NIPA1: variants seen among roughly 807,000 people sequenced by gnomAD.
NIPA1 encodes magnesium transporter NIPA1.
A neutral mutation model predicts 23.9 loss-of-function variants in NIPA1; 13 were observed. The ratio of observed to expected loss-of-function variants is 0.54; its 90% CI spans 0.35 to 0.87. NIPA1 has a LOEUF of 0.87. Among genes scored for constraint, NIPA1 ranks in the 40% least tolerant of loss-of-function variants. The pLI is 0.01. For missense variants in NIPA1, 362 were observed against 429.7 expected (o/e 0.84, Z 1.39); for synonymous variants, 234 against 202.9 (o/e 1.15, Z -1.30).
At position 22,804,120 on chromosome 15, in the gene NIPA1, G is replaced by T. The variant is rs556988565; in HGVS notation, c.179-6629G>T. ...GCGTCCTGAGTAGCTGGGATTACAG[G>T]CATGAACCACCACATCCAGCTAATT... On this transcript the variant is annotated intron_variant, in intron 1 of 4. Coordinates refer to ENST00000337435, the MANE Select transcript of NIPA1 (RefSeq NM_144599.5). Among the ~76,000 whole-genome samples, 9 of 152,066 alleles carry T rather than the reference G, an allele frequency of 5.9e-5. 1 individual carries two copies. The South Asian group carries it at 1.9e-3, about 32-fold the overall frequency.
chr15:22,814,331 C>G (rs1305495166), intron 3 of NIPA1, among the ~76,000 whole-genome samples: 1 of 151,120 alleles, frequency 6.6e-6, no homozygotes, highest in South Asian at 2.1e-4. Context: ...GATCTCGGCT[C>G]ACTGCAAGCT....
At chr15:22,794,300 A>C (rs1288366366) in intron 1 of NIPA1, among the ~76,000 whole-genome samples, 1 of 128,130 alleles carries the variant, frequency 7.8e-6, no homozygotes, top group Non-Finnish European at 1.6e-5. Context: ...CACCCACTGC[A>C]GTGACATTCA....
chr15:22,798,835 CAAAAAA>C (rs1206327395), intron 1 of NIPA1, among the ~76,000 whole-genome samples: 3 of 73,108 alleles, frequency 4.1e-5, no homozygotes, highest in African/African-American at 5.9e-5. Flanking sequence ...GACTCCGTCT[CAAAAAA>C]AAAAAAAAAA....
rs190832731 is a variant in NIPA1, at chr15:22,809,288, G to A, written c.179-1461G>A. ...TGTAATCCCAGCTACTTGGGAGGCT[G>A]AAGCATGAGAATTGCTTGAACCCAG... is the stretch of plus-strand genomic sequence containing the variant. On this transcript the variant is annotated intron_variant, in intron 1 of 4. Transcript: ENST00000337435. Among the ~76,000 whole-genome samples, 264 of 152,204 alleles carry A rather than the reference G, an allele frequency of 1.7e-3. 1 individual carries two copies. The highest frequency in any genetic ancestry group is 6.1e-3 in the African/African-American group (253 of 41,526).
intron 1 of NIPA1, among the ~76,000 whole-genome samples, chr15:22,807,779 C>T (rs1162279950): frequency 1.1e-5 from 1 of 92,640 alleles, no homozygotes; most frequent in Non-Finnish European, 1.9e-5. Flanking sequence ...AGTTTAAATT[C>T]ACTTGTGTGT....
At chr15:22,803,791 TG>T (rs1288563695) in intron 1 of NIPA1, among the ~76,000 whole-genome samples, 2 of 149,928 alleles carry the variant, frequency 1.3e-5, no homozygotes, top group African/African-American at 4.9e-5. Context: ...GCCATTCTCC[TG>T]CCTCACGCTC....
intron 1 of NIPA1, among the ~76,000 whole-genome samples, chr15:22,800,480 T>C (rs547998374): frequency 3.8e-4 from 58 of 152,192 alleles, no homozygotes; most frequent in African/African-American, 1.3e-3. Context: ...GTACAGCTCT[T>C]TATCATGTAA....
intron 4 of NIPA1, among the ~76,000 whole-genome samples, chr15:22,821,217 G>A (rs571093111): frequency 6.6e-5 from 10 of 152,070 alleles, no homozygotes; most frequent in Non-Finnish European, 1.0e-4. Context: ...CGCCCACCTC[G>A]CCCTTCCAAA....
At position 22,827,998 on chromosome 15, in the gene NIPA1, T is replaced by C. The variant is rs1895685140; in HGVS notation, c.*3759T>C. The C allele has an allele frequency of 6.6e-6, 1 of 152,274 alleles. No homozygotes were observed. Among genetic ancestry groups the C allele is most frequent in the Non-Finnish European group, 1.5e-5 (1 of 68,064 alleles). The allele number at this position is 152,274 out of a possible 1,614,324, so 9.4% of individuals were successfully genotyped here. ...CCGCTTCGACCTGACACCTGCTCGATGCTGACTTAGGCTTCCTGCCACCAA... is the reference window on the plus strand; with the variant it reads ...CCGCTTCGACCTGACACCTGCTCGACGCTGACTTAGGCTTCCTGCCACCAA... On this transcript the variant is annotated 3_prime_UTR_variant, in exon 5 of 5. Transcript: ENST00000337435.
intron 1 of NIPA1, among the ~76,000 whole-genome samples, chr15:22,802,195 CA>C (rs1252057706): frequency 1.3e-5 from 2 of 151,982 alleles, no homozygotes; most frequent in Non-Finnish European, 1.5e-5. Context: ...AGTTCGAGAC[CA>C]GCCTGACCAA....
At chr15:22,804,945 T>C (rs1264042235) in intron 1 of NIPA1, among the ~76,000 whole-genome samples, 1 of 152,064 alleles carries the variant, frequency 6.6e-6, no homozygotes, top group Non-Finnish European at 1.5e-5. Flanking sequence ...CACACCATTC[T>C]CCTGCCTCAG....
rs925675988 is a variant in NIPA1, at chr15:22,824,472, A to G, written c.*233A>G. 3 of 538,184 alleles carry G rather than the reference A, an allele frequency of 5.6e-6. No homozygotes were observed. The highest frequency in any genetic ancestry group is 3.1e-5 in the East Asian group (1 of 32,100). 33.3% of individuals were successfully genotyped at this position (538,184 alleles called of 1,614,324 possible). ...CCTGGCACCATCTCTCTCTGATGAG[A>G]CGAATCTCATTTTCATTTCCATTAA... On this transcript the variant is annotated 3_prime_UTR_variant, in exon 5 of 5. Transcript: ENST00000337435. The surrounding 1 kb of genome is among the most constrained non-coding windows in gnomAD (Gnocchi z 4.1).
Position 22,829,671 on chromosome 15 carries a change from A to G in NIPA1, c.*5432A>G, listed in dbSNP as rs1895715924. 6.6e-6 allele frequency: 1 copy of G among 152,190 alleles called. No homozygotes were observed. The highest frequency in any genetic ancestry group is 2.4e-5 in the African/African-American group (1 of 41,444). 9.4% of individuals were successfully genotyped at this position (152,190 alleles called of 1,614,324 possible). A position where few individuals can be genotyped will look rare whatever the true frequency, so the allele number is the denominator to read the frequency against. ...CCAAGACCTGCTTATATTTTGCTTT[A>G]TAGATGTAGTCATAGCATGTTGTTA... On this transcript the variant is annotated 3_prime_UTR_variant, in exon 5 of 5. Transcript: ENST00000337435.
chr15:22,818,333 G>T (rs1895466859), intron 3 of NIPA1, among the ~76,000 whole-genome samples: 1 of 152,114 alleles, frequency 6.6e-6, no homozygotes, highest in Non-Finnish European at 1.5e-5. Flanking sequence ...CTACTTGGGA[G>T]GCTGAGGCAG....
rs566258423 is a variant in NIPA1 at position 22,804,714 on chromosome 15, G to A, written c.179-6035G>A. 5.3e-5 allele frequency among the ~76,000 whole-genome samples: 8 copies of A among 152,240 alleles called. No individual in the cohort carries two copies. In the South Asian group the frequency reaches 8.3e-4, roughly 16 times the overall value. ...TTGTTGGAGACTTTTCCATTGAATT[G>A]TACTGGTGCTTCATTCAGTCTGTGA... On this transcript the variant is annotated intron_variant, in intron 1 of 4. Transcript: ENST00000337435.
intron 1 of NIPA1, among the ~76,000 whole-genome samples, chr15:22,793,825 T>C (rs1894885494): frequency 6.6e-6 from 1 of 152,184 alleles, no homozygotes; most frequent in Non-Finnish European, 1.5e-5. Flanking sequence ...TTGAAAAGTA[T>C]ATCCTTTCCC....
At chr15:22,816,414 C>G (rs916526024) in intron 3 of NIPA1, among the ~76,000 whole-genome samples, 2 of 149,268 alleles carry the variant, frequency 1.3e-5, no homozygotes, top group African/African-American at 4.9e-5. Flanking sequence ...GTCTTGATTT[C>G]CTGACCTTGT....
chr15:22,804,968 G>T, intron 1 of NIPA1, among the ~76,000 whole-genome samples: 1 of 152,094 alleles, frequency 6.6e-6, no homozygotes, highest in East Asian at 1.9e-4. Context: ...TCCCGAGTGA[G>T]TAGCTGGGAC....
At chr15:22,820,764 C>A (rs1362463215) in intron 4 of NIPA1, among the ~76,000 whole-genome samples, 1 of 152,132 alleles carries the variant, frequency 6.6e-6, no homozygotes, top group Non-Finnish European at 1.5e-5. Context: ...CCTTCCCTTC[C>A]CACAGTGGCT....
Sources: allele counts gnomAD v4.1 joint callset (sites outside exome capture counted in the v4.1 genomes callset), GRCh38; gene constraint gnomAD v4.1.1; non-coding constraint Gnocchi (gnomAD v3.1); transcripts MANE v1.5; gene names NCBI Gene and HGNC (gene_info 2026-07-23, HGNC 2026-07-21).